The following DLGAP2 variants were observed in gnomAD, a reference collection of about 807,000 sequenced individuals.
DLGAP2 encodes the protein disks large-associated protein 2.
Under a neutral mutation model 100.3 loss-of-function variants are expected in DLGAP2, and 26 were observed. The ratio of observed to expected loss-of-function variants is 0.26; its 90% CI spans 0.19 to 0.36. The LOEUF (loss-of-function observed/expected upper bound fraction) is 0.36. Among genes scored for constraint, DLGAP2 ranks in the 10% least tolerant of loss-of-function variants. The probability of loss-of-function intolerance (pLI) is 1.00; values close to 1 mark genes in which losing one functional copy is unlikely to be tolerated. For synonymous variants in DLGAP2, 886 were observed against 630.1 expected (o/e 1.41, Z -6.08); for missense variants, 1,858 against 1,453.2 (o/e 1.28, Z -4.53).
At chr8:1,364,014 T>TAC (rs1301062759) in intron 3 of DLGAP2, among the ~76,000 whole-genome samples, 3 of 152,130 alleles carry the variant, frequency 2.0e-5, no homozygotes, top group Non-Finnish European at 4.4e-5. Context: ...CACCAGGTGG[T>TAC]ACCCCTCACT....
chr8:1,233,767 A>G (rs1798585920), intron 2 of DLGAP2, among the ~76,000 whole-genome samples: 1 of 152,238 alleles, frequency 6.6e-6, no homozygotes, highest in South Asian at 2.1e-4. Context: ...TCAGGGTCTC[A>G]CTGGGAGCTG....
At chr8:1,544,674 T>C (rs1349168020) in intron 4 of DLGAP2, among the ~76,000 whole-genome samples, 2 of 152,162 alleles carry the variant, frequency 1.3e-5, no homozygotes, top group African/African-American at 2.4e-5. Flanking sequence ...AAATTCTACA[T>C]AGTCACTGTA....
chr8:1,507,706 A>G (rs947806878), intron 4 of DLGAP2, among the ~76,000 whole-genome samples: 1 of 148,132 alleles, frequency 6.8e-6, no homozygotes, highest in South Asian at 2.1e-4. Context: ...GAAAGAAGGT[A>G]GCAGTCCACC....
chr8:917,870 C>A (rs907446889), intron 2 of DLGAP2, among the ~76,000 whole-genome samples: 1 of 152,152 alleles, frequency 6.6e-6, no homozygotes, highest in East Asian at 1.9e-4. Context: ...TGAGCTACTG[C>A]GCCCGGCCTC....
In DLGAP2 at chr8:971,894, G is replaced by T. The variant is rs149621850; in HGVS notation, c.73+63928G>T. On this transcript the variant is annotated intron_variant, in intron 2 of 14. Transcript: ENST00000637795. ...CTAAGAAGCACTTGTGATGGTTGCA[G>T]CCCAGGGGTACAGGCTTATTATAGA... Among the ~76,000 whole-genome samples, 264 of 152,294 alleles carry T rather than the reference G, an allele frequency of 1.7e-3. 1 individual carries two copies. The highest frequency in any genetic ancestry group is 4.8e-3 in the South Asian group (23 of 4,822).
At chr8:743,376 C>T (rs905346364) in intron 1 of DLGAP2, among the ~76,000 whole-genome samples, 1 of 152,118 alleles carries the variant, frequency 6.6e-6, no homozygotes, top group Non-Finnish European at 1.5e-5. Flanking sequence ...TTTTCTCTGG[C>T]ACTAACTTGT....
chr8:1,364,349 C>T (rs141091904), intron 3 of DLGAP2, among the ~76,000 whole-genome samples: 2 of 152,292 alleles, frequency 1.3e-5, no homozygotes, highest in East Asian at 1.9e-4. Flanking sequence ...GGATCGTTCT[C>T]GTGATCGTCA....
chr8:1,612,702 AC>A (rs1432434879), intron 6 of DLGAP2, among the ~76,000 whole-genome samples: 4 of 122,838 alleles, frequency 3.3e-5, no homozygotes, highest in East Asian at 2.4e-4. Flanking sequence ...CAAGAAAAAA[AC>A]AAACAACCCC....
chr8:1,636,427 T>C (rs1189353873), intron 8 of DLGAP2, among the ~76,000 whole-genome samples: 1 of 152,244 alleles, frequency 6.6e-6, no homozygotes, highest in Non-Finnish European at 1.5e-5. Context: ...ATTTCCAAGA[T>C]ACATACTTGC....
chr8:1,478,276 C>T (rs142465268), intron 3 of DLGAP2, among the ~76,000 whole-genome samples: 171 of 152,306 alleles, frequency 1.1e-3, no homozygotes, highest in Non-Finnish European at 2.1e-3. Flanking sequence ...TGCCAGCCCT[C>T]CTTCCCTTTC....
chr8:889,957 C>T (rs962240384), intron 1 of DLGAP2, among the ~76,000 whole-genome samples: 1 of 152,140 alleles, frequency 6.6e-6, no homozygotes, highest in Non-Finnish European at 1.5e-5. Flanking sequence ...GTTTCCCCCG[C>T]TGGGTAGTGT....
chr8:1,383,437 G>A (rs1182539445), intron 3 of DLGAP2, among the ~76,000 whole-genome samples: 3 of 152,190 alleles, frequency 2.0e-5, no homozygotes, highest in Non-Finnish European at 4.4e-5. Flanking sequence ...CAAATGGTAC[G>A]GTATGTGTTA....
intron 3 of DLGAP2, among the ~76,000 whole-genome samples, chr8:1,410,406 C>T (rs1486120826): frequency 1.3e-5 from 2 of 152,232 alleles, no homozygotes; most frequent in Admixed American, 6.5e-5. Flanking sequence ...GAAATACTCG[C>T]TGAGTGCTTC....
At chr8:1,649,187 A>G (rs1185052717) in intron 8 of DLGAP2, among the ~76,000 whole-genome samples, 6 of 152,236 alleles carry the variant, frequency 3.9e-5, no homozygotes, top group Non-Finnish European at 7.3e-5. Context: ...TATATCAAAA[A>G]TATTTTTAAA....
At chr8:889,329 G>A (rs1797988328) in intron 1 of DLGAP2, among the ~76,000 whole-genome samples, 1 of 152,202 alleles carries the variant, frequency 6.6e-6, no homozygotes. Context: ...TTGGTGGAGA[G>A]GGTGTGTTTC....
At chr8:1,069,087 C>G (rs936431123) in intron 2 of DLGAP2, among the ~76,000 whole-genome samples, 1 of 152,234 alleles carries the variant, frequency 6.6e-6, no homozygotes, top group Admixed American at 6.5e-5. Flanking sequence ...CTGCACTAGA[C>G]ACACATTTAT....
chr8:1,270,635 A>G (rs531533139), intron 3 of DLGAP2, among the ~76,000 whole-genome samples: 30 of 152,096 alleles, frequency 2.0e-4, no homozygotes, highest in African/African-American at 7.0e-4. Flanking sequence ...TTCTCCCAGT[A>G]AAATTTCCTT....
At chr8:1,362,473 G>A (rs1398247042) in intron 3 of DLGAP2, among the ~76,000 whole-genome samples, 1 of 152,090 alleles carries the variant, frequency 6.6e-6, no homozygotes, top group Admixed American at 6.5e-5. Flanking sequence ...GCAGCCTCCG[G>A]CGGGGACACC....
At chr8:1,121,329 C>T (rs71516154) in intron 2 of DLGAP2, among the ~76,000 whole-genome samples, 2,985 of 152,030 alleles carry the variant, frequency 0.02, 50 homozygotes, top group Non-Finnish European at 0.026. Flanking sequence ...CTTCAGAACC[C>T]ATGACCACCC....
Sources: allele counts gnomAD v4.1 joint callset (sites outside exome capture counted in the v4.1 genomes callset), GRCh38; gene constraint gnomAD v4.1.1; transcripts MANE v1.5; gene names NCBI Gene and HGNC (gene_info 2026-07-23, HGNC 2026-07-21).